HNRNPF: variants seen among roughly 807,000 people sequenced by gnomAD.
HNRNPF encodes the protein heterogeneous nuclear ribonucleoprotein F.
A neutral mutation model predicts 26.0 loss-of-function variants in HNRNPF; 2 were observed. The observed-to-expected ratio is 0.08, with a 90% CI of 0.03 to 0.24. The LOEUF (loss-of-function observed/expected upper bound fraction) is 0.24, where lower values mean the gene tolerates loss of function less well. HNRNPF is among the 10% of genes least tolerant of loss of function. The probability of loss-of-function intolerance (pLI) is 1.00; values close to 1 mark genes in which losing one functional copy is unlikely to be tolerated. For missense variants in HNRNPF, 299 were observed against 539.2 expected, an observed-to-expected ratio of 0.55 and a Z score of 4.41; for synonymous variants, 234 against 211.5, an observed-to-expected ratio of 1.11 and a Z score of -0.92.
At chr10:43,394,513 C>T (rs1049000582) in intron 3 of HNRNPF, 117 bp downstream of exon 3, 3 of 152,162 alleles carry the variant, frequency 2.0e-5, no homozygotes, top group African/African-American at 7.2e-5. Flanking sequence ...CCTGTGGTGT[C>T]CTGCTCAAGG....
Position 43,386,748 on chromosome 10 carries a change from G to A in HNRNPF, c.1137C>T (p.Gly379=), listed in dbSNP as rs1292773049. The A allele has an allele frequency of 2.5e-6, 4 of 1,614,042 alleles. No individual in the cohort carries two copies. Among genetic ancestry groups the A allele is most frequent in the Non-Finnish European group, 3.4e-6 (4 of 1,180,032 alleles). The stretch of plus-strand genomic sequence containing the variant: ...TGGCCTGGGCAGCAGACACCCCCAT[G>A]CCTTGCATCACCTGGCTGCTATACG... ...NGAYSSQVMQ[G]MGVSAAQATY... Residue 379 remains glycine (G), a synonymous_variant, in exon 4 of 4, where the codon GGC becomes GGT. Transcript: ENST00000682386.
rs1436861051 is a variant in HNRNPF at position 43,387,675 on chromosome 10, G to T, written c.210C>A (p.Ala70=). The T allele has an allele frequency of 6.2e-7, 1 of 1,613,954 alleles. No homozygotes were observed. Among genetic ancestry groups the T allele is most frequent in the East Asian group, 2.2e-5 (1 of 44,872 alleles). ...ELGSEDDVKM[A]LKKDRESMGH... ...CCATGCTTTCCCTGTCTTTTTTCAG[G>T]GCCATTTTTACATCATCTTCTGATC... is the stretch of plus-strand genomic sequence containing the variant. The change falls in exon 4 of 4, where the codon GCC becomes GCA. Residue 70 remains alanine, a synonymous_variant. Coordinates refer to ENST00000682386, the MANE Select transcript of HNRNPF (RefSeq NM_001098204.2). This position sits in a 1 kb window ranked among gnomAD's most constrained non-coding sequence, Gnocchi z 6.0.
chr10:43,406,403 CA>C (rs2131993816), intron 1 of HNRNPF, among the ~76,000 whole-genome samples: 1 of 152,196 alleles, frequency 6.6e-6, no homozygotes, highest in Non-Finnish European at 1.5e-5. Flanking sequence ...TGGCAGTTTA[CA>C]AAAAAGTGGC....
At chr10:43,393,146 GT>G (rs1838320285) in intron 3 of HNRNPF, among the ~76,000 whole-genome samples, 1 of 152,124 alleles carries the variant, frequency 6.6e-6, no homozygotes, top group African/African-American at 2.4e-5. Context: ...TTCCTAACAC[GT>G]TGAATGGCAG....
At chr10:43,388,041 TGAG>T in intron 3 of HNRNPF, 105 bp from the exon 4 acceptor site, 1 of 621,674 alleles carries the variant, frequency 1.6e-6, no homozygotes, top group Non-Finnish European at 2.8e-6. Flanking sequence ...CAAATACAAT[TGAG>T]AGCTAAGAGT....
At chr10:43,398,187 C>G (rs1202894109) in intron 1 of HNRNPF, among the ~76,000 whole-genome samples, 2 of 151,910 alleles carry the variant, frequency 1.3e-5, no homozygotes, top group Non-Finnish European at 2.9e-5. Context: ...GCCACTATAC[C>G]CAGCTAGTTT....
chr10:43,392,841 G>C (rs1285879446), intron 3 of HNRNPF, among the ~76,000 whole-genome samples: 1 of 152,040 alleles, frequency 6.6e-6, no homozygotes, highest in Admixed American at 6.6e-5. Context: ...CCCAGTCTTC[G>C]GCTCCCTGAA....
At chr10:43,398,318 C>T (rs1321147912) in intron 1 of HNRNPF, among the ~76,000 whole-genome samples, 1 of 150,030 alleles carries the variant, frequency 6.7e-6, no homozygotes, top group African/African-American at 2.5e-5. Context: ...GCCCCATGCC[C>T]GGCCTGTTTG....
chr10:43,390,004 A>G (rs1292768101), intron 3 of HNRNPF, among the ~76,000 whole-genome samples: 2 of 152,020 alleles, frequency 1.3e-5, no homozygotes, highest in Non-Finnish European at 2.9e-5. Context: ...TCTGCAACAA[A>G]CCCTGGGGTT....
chr10:43,387,038 C>G lies in HNRNPF; in HGVS notation c.847G>C (p.Val283Leu). The change falls in exon 4 of 4, where the codon GTG becomes CTG. Residue 283 changes from valine to leucine, a missense_variant. Val to Leu is a conservative substitution (Grantham distance 32). This residue lies in a region of HNRNPF where 74 missense variants were observed against 77.7 expected (regional missense o/e 0.95). Coordinates refer to ENST00000682386, the MANE Select transcript of HNRNPF (RefSeq NM_001098204.2). This position sits in a 1 kb window ranked among gnomAD's most constrained non-coding sequence, Gnocchi z 6.0. ...ACACAGTGGCCTGTGGTGCTCTGCACTGTGAACTCACTGTCGCCGTATCTG... is the reference window on the plus strand; with the variant it reads ...ACACAGTGGCCTGTGGTGCTCTGCAGTGTGAACTCACTGTCGCCGTATCTG... ...DHRYGDSEFT[V>L]QSTTGHCVHM... 1 of 1,613,464 alleles carries G rather than the reference C, an allele frequency of 6.2e-7. No individual in the cohort carries two copies. The highest frequency in any genetic ancestry group is 8.5e-7 in the Non-Finnish European group (1 of 1,180,042).
In HNRNPF at chr10:43,396,529, A is replaced by G. The variant is rs1838526140; in HGVS notation, c.-185T>C. ...TGGCAGCCAAGAGCCCCGAAATTCCACCGAAGCTCAACCACGCAGAGGGCT... is the reference window on the plus strand; with the variant it reads ...TGGCAGCCAAGAGCCCCGAAATTCCGCCGAAGCTCAACCACGCAGAGGGCT... On this transcript the variant is annotated 5_prime_UTR_variant, in exon 2 of 4. Coordinates refer to ENST00000682386, the MANE Select transcript of HNRNPF (RefSeq NM_001098204.2). 6.6e-6 allele frequency: 1 copy of G among 152,230 alleles called. No homozygotes were observed. The highest frequency in any genetic ancestry group is 2.4e-5 in the African/African-American group (1 of 41,408). The allele number at this position is 152,230 out of a possible 1,614,324, so 9.4% of individuals were successfully genotyped here. A position where few individuals can be genotyped will look rare whatever the true frequency, so the allele number is the denominator to read the frequency against.
intron 1 of HNRNPF, among the ~76,000 whole-genome samples, chr10:43,400,437 A>G (rs913155555): frequency 6.6e-6 from 1 of 152,240 alleles, no homozygotes; most frequent in Admixed American, 6.5e-5. Context: ...CATGAGAAGC[A>G]CAAGATGCAT....
At position 43,386,668 on chromosome 10, in the gene HNRNPF, C is replaced by G. The variant is rs1564392291; in HGVS notation, c.1217G>C (p.Ser406Thr). ...SVSGCYGAGYSGQNSMGGYD is the reference protein window; with the variant it reads ...SVSGCYGAGYTGQNSMGGYD ...ATAGCCACCCATGCTGTTCTGCCCA[C>G]TGTAGCCGGCCCCGTAACAGCCACT... Residue 406 changes from serine (S) to threonine (T), a missense_variant, in exon 4 of 4, where the codon AGT becomes ACT. Coordinates refer to ENST00000682386, the MANE Select transcript of HNRNPF (RefSeq NM_001098204.2). 6.3e-7 allele frequency: 1 copy of G among 1,579,908 alleles called. No homozygotes were observed. Among genetic ancestry groups the G allele is most frequent in the Non-Finnish European group, 8.6e-7 (1 of 1,169,300 alleles).
At chr10:43,393,617 C>T (rs1221344391) in intron 3 of HNRNPF, among the ~76,000 whole-genome samples, 1 of 151,820 alleles carries the variant, frequency 6.6e-6, no homozygotes, top group Non-Finnish European at 1.5e-5. Context: ...AAAAGTTTTC[C>T]AAGCACAGTG....
At chr10:43,398,690 C>T (rs1838653541) in intron 1 of HNRNPF, among the ~76,000 whole-genome samples, 2 of 152,046 alleles carry the variant, frequency 1.3e-5, no homozygotes, top group Admixed American at 1.3e-4. Context: ...GGGTCTGGCT[C>T]AGCTGCCCAG....
Position 43,387,558 on chromosome 10 carries a change from G to A in HNRNPF, c.327C>T (p.Asn109=), listed in dbSNP as rs369671483. 2.2e-5 allele frequency: 35 copies of A among 1,614,044 alleles called. No individual in the cohort carries two copies. The highest frequency in any genetic ancestry group is 3.3e-4 in the Middle Eastern group (2 of 6,084). The part of the protein sequence containing the change: ...HSGPNSADSA[N]DGFVRLRGLP... ...GTCCTCGAAGCCGCACGAAGCCATCGTTGGCGCTGTCGGCACTGTTGGGAC... is the reference window on the plus strand; with the variant it reads ...GTCCTCGAAGCCGCACGAAGCCATCATTGGCGCTGTCGGCACTGTTGGGAC... The change falls in exon 4 of 4, where the codon AAC becomes AAT. Residue 109 remains asparagine, a synonymous_variant. Coordinates refer to ENST00000682386, the MANE Select transcript of HNRNPF (RefSeq NM_001098204.2). The surrounding 1 kb of genome is among the most constrained non-coding windows in gnomAD (Gnocchi z 6.0).
In HNRNPF at chr10:43,386,613, G is replaced by GT; in HGVS notation, c.*23dup. On this transcript the variant is annotated 3_prime_UTR_variant, in exon 4 of 4. Coordinates refer to ENST00000682386, the MANE Select transcript of HNRNPF (RefSeq NM_001098204.2). The stretch of plus-strand genomic sequence containing the variant: ...TTGGCTGCCTGTGAAAATGATTGAA[G>GT]TAACTCAAATGTTCCTAACAAAACT... 6.6e-7 allele frequency: 1 copy of GT among 1,511,930 alleles called. No homozygotes were observed. Among genetic ancestry groups the GT allele is most frequent in the Non-Finnish European group, 8.8e-7 (1 of 1,134,374 alleles). 93.7% of individuals were successfully genotyped at this position (1,511,930 alleles called of 1,614,324 possible).
intron 3 of HNRNPF, among the ~76,000 whole-genome samples, chr10:43,388,875 GA>G (rs1212666707): frequency 2.6e-5 from 4 of 150,990 alleles, no homozygotes; most frequent in African/African-American, 9.7e-5. Context: ...TCACAAGCAA[GA>G]AAAACACTGC....
intron 1 of HNRNPF, among the ~76,000 whole-genome samples, chr10:43,404,750 G>T (rs550531942): frequency 6.6e-6 from 1 of 152,090 alleles, no homozygotes; most frequent in East Asian, 1.9e-4. Context: ...AGAATTGCTT[G>T]AACCCAGGAG....
Sources: allele counts gnomAD v4.1 joint callset (sites outside exome capture counted in the v4.1 genomes callset), GRCh38; gene constraint gnomAD v4.1.1; regional missense constraint gnomAD v4.1.1; non-coding constraint Gnocchi (gnomAD v3.1); transcripts MANE v1.5; gene names NCBI Gene and HGNC (gene_info 2026-07-23, HGNC 2026-07-21).